The following RAP1A variants were observed in gnomAD, a reference collection of about 807,000 sequenced individuals.
RAP1A encodes RAP1A, member of RAS oncogene family.
RAP1A carries 6 observed loss-of-function variants against 26.4 expected under a neutral mutation model. That is an observed-to-expected ratio of 0.23 (90% CI 0.12 to 0.45). The LOEUF (loss-of-function observed/expected upper bound fraction) is 0.45. Ranked by LOEUF, RAP1A falls within the 20% of genes least tolerant of loss-of-function variation. The probability of loss-of-function intolerance (pLI) is 0.99; values close to 1 mark genes in which losing one functional copy is unlikely to be tolerated. For missense variants in RAP1A, 121 were observed against 217.2 expected (o/e 0.56, Z 2.78); for synonymous variants, 73 against 79.4 (o/e 0.92, Z 0.43).
At chr1:111,657,577 T>A (rs1205702595) in intron 1 of RAP1A, among the ~76,000 whole-genome samples, 1 of 152,176 alleles carries the variant, frequency 6.6e-6, no homozygotes, top group East Asian at 1.9e-4. Flanking sequence ...CTTCCAAGAA[T>A]TTTATGGTTT....
chr1:111,590,532 T>C (rs1658451512), intron 1 of RAP1A, among the ~76,000 whole-genome samples: 1 of 152,196 alleles, frequency 6.6e-6, no homozygotes, highest in Non-Finnish European at 1.5e-5. Flanking sequence ...TTAAAATAAT[T>C]TGAATTTTTT....
chr1:111,667,759 G>A (rs1397981801), intron 1 of RAP1A, among the ~76,000 whole-genome samples: 3 of 151,846 alleles, frequency 2.0e-5, no homozygotes, highest in Non-Finnish European at 2.9e-5. Flanking sequence ...TTTTTTAAAT[G>A]AAGGTCCCAT....
intron 1 of RAP1A, among the ~76,000 whole-genome samples, chr1:111,574,301 G>A (rs574118321): frequency 6.6e-6 from 1 of 152,206 alleles, no homozygotes; most frequent in African/African-American, 2.4e-5. Flanking sequence ...TCTCTATTCT[G>A]TTCCATTGGT....
chr1:111,708,932 C>T (rs962372553), intron 6 of RAP1A, among the ~76,000 whole-genome samples: 4 of 152,018 alleles, frequency 2.6e-5, no homozygotes, highest in Admixed American at 6.5e-5. Flanking sequence ...GATTTGATGT[C>T]GAATATCTAG....
intron 1 of RAP1A, among the ~76,000 whole-genome samples, chr1:111,646,533 ATCT>A (rs1347556448): frequency 6.6e-6 from 1 of 151,720 alleles, no homozygotes; most frequent in African/African-American, 2.4e-5. Context: ...GGAGTAGAAC[ATCT>A]TCTCTTTTTC....
intron 1 of RAP1A, among the ~76,000 whole-genome samples, chr1:111,554,763 A>G (rs2101039897): frequency 6.6e-6 from 1 of 152,344 alleles, no homozygotes; most frequent in Non-Finnish European, 1.5e-5. Flanking sequence ...ATGTTTCTTC[A>G]AAGTGATTCA....
intron 1 of RAP1A, among the ~76,000 whole-genome samples, chr1:111,562,051 T>C (rs370976369): frequency 1.6e-4 from 25 of 152,196 alleles, no homozygotes; most frequent in African/African-American, 4.8e-4. Context: ...TTTTCTCAAC[T>C]GGGACAGCCA....
intron 4 of RAP1A, among the ~76,000 whole-genome samples, chr1:111,702,304 AAT>A (rs367747434): frequency 2.0e-5 from 3 of 151,506 alleles, no homozygotes; most frequent in East Asian, 1.9e-4. Context: ...CTTTTTAAGT[AAT>A]ATATATATAT....
rs549891070 is a variant in RAP1A at position 111,687,418 on chromosome 1, T to C, written c.-27-3916T>C. On this transcript the variant is annotated intron_variant, in intron 1 of 7. Transcript: ENST00000369709. ...AGATGGGATTTTGCCATGTTGGCCA[T>C]GCTGGTCTCCGACTCCTGACCTCAG... is the stretch of plus-strand genomic sequence containing the variant. Among the ~76,000 whole-genome samples the C allele has an allele frequency of 9.9e-5, 15 of 152,090 alleles. No homozygotes were observed. The South Asian group carries it at 2.7e-3, about 27-fold the overall frequency.
rs1245244613 is a variant in RAP1A at position 111,713,984 on chromosome 1, A to G, written c.*1583A>G. On this transcript the variant is annotated 3_prime_UTR_variant, in exon 8 of 8. Coordinates refer to ENST00000369709, the MANE Select transcript of RAP1A (RefSeq NM_002884.4). ...CTCTAGATACTGTCTCTTTGCAACTAGGTATGAAGAAGTGTTCATGCCTTG... is the reference window on the plus strand; with the variant it reads ...CTCTAGATACTGTCTCTTTGCAACTGGGTATGAAGAAGTGTTCATGCCTTG... 3.9e-5 allele frequency: 6 copies of G among 152,236 alleles called. No homozygotes were observed. The highest frequency in any genetic ancestry group is 3.3e-4 in the Admixed American group (5 of 15,280). The allele number at this position is 152,236 out of a possible 1,614,324, so 9.4% of individuals were successfully genotyped here. A position where few individuals can be genotyped will look rare whatever the true frequency, so the allele number is the denominator to read the frequency against.
At chr1:111,612,227 C>T (rs138392375) in intron 1 of RAP1A, among the ~76,000 whole-genome samples, 63 of 152,300 alleles carry the variant, frequency 4.1e-4, no homozygotes, top group Admixed American at 1.8e-3. Context: ...ACTGGGCTCT[C>T]TCTCCAGTGG....
intron 1 of RAP1A, among the ~76,000 whole-genome samples, chr1:111,582,812 A>C (rs76151180): frequency 0.036 from 5,512 of 152,316 alleles, 358 homozygotes; most frequent in African/African-American, 0.13. Flanking sequence ...CTGTGTTAGA[A>C]AGTGTGACCT....
intron 1 of RAP1A, among the ~76,000 whole-genome samples, chr1:111,582,077 A>G (rs913843885): frequency 1.3e-5 from 2 of 152,200 alleles, no homozygotes; most frequent in Admixed American, 1.3e-4. Flanking sequence ...CCATTGTACT[A>G]TGCTGTCTTC....
intron 1 of RAP1A, among the ~76,000 whole-genome samples, chr1:111,542,854 G>A (rs1056919726): frequency 6.6e-6 from 1 of 152,004 alleles, no homozygotes; most frequent in African/African-American, 2.4e-5. Context: ...GAACCACCAT[G>A]GCTGGCTAGT....
At chr1:111,678,405 C>G (rs892932627) in intron 1 of RAP1A, among the ~76,000 whole-genome samples, 1 of 152,030 alleles carries the variant, frequency 6.6e-6, no homozygotes, top group Non-Finnish European at 1.5e-5. Context: ...ATTTTCAGTT[C>G]TTTGCCAGTG....
intron 1 of RAP1A, chr1:111,542,578 T>A (rs1489231246): frequency 1.3e-5 from 2 of 159,178 alleles, no homozygotes. Context: ...TGCCCTTTCT[T>A]CTGTGACTTA....
At chr1:111,646,433 A>C (rs556877414) in intron 1 of RAP1A, among the ~76,000 whole-genome samples, 6,569 of 132,290 alleles carry the variant, frequency 0.05, 210 homozygotes, top group Middle Eastern at 0.077. Context: ...AAAAAAAAAA[A>C]ACAAAACAAA....
rs561473114 is a variant in RAP1A, at chr1:111,700,374, CA to C, written c.183+2880del. The stretch of plus-strand genomic sequence containing the variant: ...GGAAGCTTACAATCATAGTGAAAGG[CA>C]AAGAGGAGTAGGTGTTTTACATGGC... On this transcript the variant is annotated intron_variant, in intron 4 of 7. Coordinates refer to ENST00000369709, the MANE Select transcript of RAP1A (RefSeq NM_002884.4). Among the ~76,000 whole-genome samples the C allele has an allele frequency of 2.0e-4, 30 of 152,236 alleles. No homozygotes were observed. In the South Asian group the frequency reaches 5.6e-3, roughly 28 times the overall value.
At chr1:111,644,090 A>G (rs1416828011) in intron 1 of RAP1A, among the ~76,000 whole-genome samples, 1 of 152,242 alleles carries the variant, frequency 6.6e-6, no homozygotes, top group Non-Finnish European at 1.5e-5. Context: ...AACCACATTT[A>G]GATAATACCT....
Sources: gnomAD v4.1 joint callset for allele counts (sites outside exome capture counted in the v4.1 genomes callset) on GRCh38, gnomAD v4.1.1 for gene constraint, MANE v1.5 for transcripts, NCBI Gene and HGNC (gene_info 2026-07-23, HGNC 2026-07-21) for gene names.